Variants in RNF212 observed in about 807,000 individuals in gnomAD.
The protein encoded by RNF212 is ring finger protein 212, also known as probable E3 SUMO-protein ligase RNF212.
RNF212 carries 33 observed loss-of-function variants against 34.7 expected under a neutral mutation model. The observed-to-expected ratio is 0.95, with a 90% CI of 0.72 to 1.27. The LOEUF (loss-of-function observed/expected upper bound fraction) is 1.27. Among genes scored for constraint, RNF212 ranks in the 50% most tolerant of loss-of-function variants. The probability of loss-of-function intolerance (pLI) is 0.00; values close to 1 mark genes in which losing one functional copy is unlikely to be tolerated. For missense variants in RNF212, 377 were observed against 362.2 expected (o/e 1.04, Z -0.33); for synonymous variants, 140 against 136.1 (o/e 1.03, Z -0.20).
intron 1 of RNF212, among the ~76,000 whole-genome samples, chr4:1,112,076 C>T (rs1010747194): frequency 6.6e-6 from 1 of 152,188 alleles, no homozygotes; most frequent in Admixed American, 6.5e-5. Context: ...TGCGTGGCTG[C>T]ACATGCCTGT....
intron 3 of RNF212, among the ~76,000 whole-genome samples, chr4:1,058,737 G>A (rs1236191903): frequency 2.6e-5 from 4 of 152,236 alleles, no homozygotes; most frequent in Non-Finnish European, 5.9e-5. Flanking sequence ...GAACTGGCCA[G>A]TCCCAGCTGA....
chr4:1,085,577 C>A, intron 5 of RNF212: 1 of 425,566 alleles, frequency 2.3e-6, no homozygotes, highest in Non-Finnish European at 4.2e-6. Context: ...GCAGGGCCAC[C>A]CCACCTGTGC....
chr4:1,090,604 G>C (rs1722037022), intron 4 of RNF212, among the ~76,000 whole-genome samples, 178 bp downstream of exon 4: 1 of 152,130 alleles, frequency 6.6e-6, no homozygotes, highest in Admixed American at 6.5e-5. Flanking sequence ...ACAAGGGTTG[G>C]GCAAATAGGC....
At chr4:1,108,923 A>G (rs1244540819) in intron 1 of RNF212, among the ~76,000 whole-genome samples, 4 of 150,966 alleles carry the variant, frequency 2.6e-5, no homozygotes, top group African/African-American at 9.7e-5. Context: ...CTGGGCTCGA[A>G]CTCCTGGGCT....
chr4:1,080,055 A>G (rs1425444061), intron 7 of RNF212, among the ~76,000 whole-genome samples: 1 of 152,194 alleles, frequency 6.6e-6, no homozygotes, highest in African/African-American at 2.4e-5. Context: ...ACGTTCTGAG[A>G]GTGGGATCCC....
chr4:1,091,913 G>A (rs1159735601), intron 3 of RNF212, among the ~76,000 whole-genome samples: 1 of 152,230 alleles, frequency 6.6e-6, no homozygotes, highest in African/African-American at 2.4e-5. Flanking sequence ...CGTGGGCTAT[G>A]AAGAGGAGTG....
intron 3 of RNF212, among the ~76,000 whole-genome samples, chr4:1,066,437 G>A (rs1018413072): frequency 3.9e-5 from 6 of 151,964 alleles, no homozygotes; most frequent in East Asian, 1.9e-4. Context: ...CAAGCAATTC[G>A]CCCACTTCAG....
exon 4 of RNF212, chr4:1,058,376 C>A (rs1053541562): frequency 2.4e-5 from 24 of 983,494 alleles, no homozygotes; most frequent in Admixed American, 6.2e-5. Flanking sequence ...TGCTCGGGGC[C>A]CAGGGAGGAG....
intron 3 of RNF212, among the ~76,000 whole-genome samples, chr4:1,065,099 TTGGG>T (rs1214674290): frequency 6.6e-6 from 1 of 152,234 alleles, no homozygotes; most frequent in East Asian, 1.9e-4. Flanking sequence ...TGCTACGATC[TTGGG>T]TATACAAGCA....
At position 1,086,030 on chromosome 4, in the gene RNF212, C is replaced by T; in HGVS notation, c.304-76G>A. On this transcript the variant is annotated intron_variant, in intron 4 of 9. Coordinates refer to ENST00000433731, the MANE Select transcript of RNF212 (RefSeq NM_001131034.4). ...CATGTGACCCTCTAAATTTCTTAAA[C>T]CTTGAATCAGAATGTGGGTTACTCT... 2.7e-6 allele frequency: 3 copies of T among 1,095,116 alleles called. No individual in the cohort carries two copies. In the South Asian group the frequency reaches 3.7e-5, roughly 14 times the overall value. The allele number at this position is 1,095,116 out of a possible 1,614,324, so 67.8% of individuals were successfully genotyped here.
intron 2 of RNF212, chr4:1,099,746 C>T (rs1463694462): frequency 4.4e-6 from 2 of 456,258 alleles, no homozygotes; most frequent in East Asian, 6.9e-5. Context: ...CTGCGTCTGA[C>T]GTCATCATGG....
chr4:1,107,044 T>G (rs1479924253), intron 2 of RNF212, among the ~76,000 whole-genome samples: 1 of 151,938 alleles, frequency 6.6e-6, no homozygotes, highest in African/African-American at 2.4e-5. Context: ...TAATGTCAAC[T>G]GAGAAGATAC....
chr4:1,058,312 G>GA lies in RNF212; in HGVS notation n.220+8_220+9insT, dbSNP rs1296586766. On this transcript the variant is annotated intron_variant and non_coding_transcript_variant, in intron 4 of 4. Transcript: ENST00000503206. The stretch of plus-strand genomic sequence containing the variant: ...CGCAGTGAAGAAGGTGCTTGCGGGG[G>GA]GGCACTACCTGAGAGGCTTTCCCAT... 1.3e-5 allele frequency: 9 copies of GA among 718,208 alleles called. 1 individual carries two copies. The Middle Eastern group carries it at 3.2e-3, about 259-fold the overall frequency. 44.5% of individuals were successfully genotyped at this position (718,208 alleles called of 1,614,324 possible). A position where few individuals can be genotyped will look rare whatever the true frequency, so the allele number is the denominator to read the frequency against.
intron 3 of RNF212, chr4:1,093,403 G>C: frequency 3.6e-6 from 5 of 1,406,252 alleles, no homozygotes; most frequent in Non-Finnish European, 4.6e-6. Context: ...ATGTTACGTT[G>C]ATATTAGAGC....
chr4:1,075,891 G>C (rs1475706180), intron 8 of RNF212, among the ~76,000 whole-genome samples: 2 of 152,018 alleles, frequency 1.3e-5, no homozygotes, highest in Non-Finnish European at 2.9e-5. Flanking sequence ...TCAAACTCTT[G>C]GGCTCAAGGG....
intron 5 of RNF212, among the ~76,000 whole-genome samples, chr4:1,083,945 ATT>A (rs376424627): frequency 0.13 from 17,955 of 134,524 alleles, 1,518 homozygotes; most frequent in African/African-American, 0.25. Flanking sequence ...CATTTTGTGC[ATT>A]TTTTTTTTTT....
intron 2 of RNF212, 28 bp from the exon 3 acceptor site, chr4:1,096,867 T>G: frequency 6.6e-7 from 1 of 1,526,324 alleles, no homozygotes; most frequent in Non-Finnish European, 9.1e-7. Flanking sequence ...GACTCTACAT[T>G]TATTGTGTCT....
Position 1,113,388 on chromosome 4 carries a change from CCG to C in RNF212, c.75_76del (p.Cys25TrpfsTer13). ...GAGGCAGGCGTCGCAGTACACGTGC[CCG>C]CAGTTGGTGAGGCTGAAGCACGACG... is the stretch of plus-strand genomic sequence containing the variant. On this transcript the variant is annotated frameshift_variant, in exon 1 of 10. Coordinates refer to ENST00000433731, the MANE Select transcript of RNF212 (RefSeq NM_001131034.4). LOFTEE classifies it high-confidence loss of function. 6.2e-7 allele frequency: 1 copy of C among 1,602,284 alleles called. No individual in the cohort carries two copies. Among genetic ancestry groups the C allele is most frequent in the Non-Finnish European group, 8.5e-7 (1 of 1,176,116 alleles).
At chr4:1,073,713 C>G (rs755703150) in intron 8 of RNF212, 51 bp from the exon 9 acceptor site, 4 of 1,270,582 alleles carry the variant, frequency 3.1e-6, no homozygotes, top group Non-Finnish European at 4.6e-6. Context: ...TTGCGGCTTA[C>G]GAGATTCGGA....
Sources: allele counts gnomAD v4.1 joint callset (sites outside exome capture counted in the v4.1 genomes callset), GRCh38; gene constraint gnomAD v4.1.1; transcripts MANE v1.5; gene names NCBI Gene and HGNC (gene_info 2026-07-23, HGNC 2026-07-21).